The following COG5 variants were observed in gnomAD, a reference collection of about 807,000 sequenced individuals.
COG5 encodes the protein component of oligomeric golgi complex 5.
A neutral mutation model predicts 110.4 loss-of-function variants in COG5; 86 were observed. The observed-to-expected ratio is 0.78, with a 90% CI of 0.65 to 0.93. The LOEUF (loss-of-function observed/expected upper bound fraction) is 0.93. COG5 is among the 40% of genes least tolerant of loss of function. COG5 has a pLI of 0.00. For missense variants in COG5, 1,077 were observed against 987.0 expected, an observed-to-expected ratio of 1.09 and a Z score of -1.22; for synonymous variants, 360 against 334.6, an observed-to-expected ratio of 1.08 and a Z score of -0.83.
intron 6 of COG5, among the ~76,000 whole-genome samples, chr7:107,432,450 C>T (rs961416138): frequency 6.6e-6 from 1 of 152,056 alleles, no homozygotes; most frequent in Non-Finnish European, 1.5e-5. Flanking sequence ...CAGGATAGTA[C>T]CACCTAATCC....
At chr7:107,501,563 G>A (rs944484790) in intron 6 of COG5, among the ~76,000 whole-genome samples, 5 of 152,054 alleles carry the variant, frequency 3.3e-5, no homozygotes, top group Non-Finnish European at 5.9e-5. Context: ...ATGTTACCCT[G>A]AATTTTTTAC....
At chr7:107,208,759 T>C in intron 21 of COG5, 1 of 985,432 alleles carries the variant, frequency 1.0e-6, no homozygotes, top group Non-Finnish European at 1.2e-6. Flanking sequence ...TATCCACACA[T>C]ACGCCCAGAG....
At chr7:107,311,848 G>T (rs1206645541) in intron 11 of COG5, among the ~76,000 whole-genome samples, 1 of 149,352 alleles carries the variant, frequency 6.7e-6, no homozygotes, top group Non-Finnish European at 1.5e-5. Flanking sequence ...TTTTTTCCAT[G>T]CAAAAAATTT....
At chr7:107,222,992 T>C (rs1800058142) in intron 19 of COG5, among the ~76,000 whole-genome samples, 1 of 152,076 alleles carries the variant, frequency 6.6e-6, no homozygotes, top group Non-Finnish European at 1.5e-5. Context: ...AATCATGAAG[T>C]AAAGTAAGGC....
At chr7:107,460,587 GAAGA>G (rs1233259002) in intron 6 of COG5, among the ~76,000 whole-genome samples, 6 of 151,868 alleles carry the variant, frequency 4.0e-5, no homozygotes, top group Non-Finnish European at 7.4e-5. Flanking sequence ...CCAAAGTAGA[GAAGA>G]AAGGAAATAC....
chr7:107,298,490 A>G (rs1434576733), intron 11 of COG5, 144 bp from the exon 12 acceptor site: 3 of 533,134 alleles, frequency 5.6e-6, no homozygotes, highest in Non-Finnish European at 6.5e-6. Context: ...TAATAATGCT[A>G]ATAATAATAA....
At chr7:107,321,433 A>G (rs1171883580) in intron 11 of COG5, among the ~76,000 whole-genome samples, 3 of 152,164 alleles carry the variant, frequency 2.0e-5, no homozygotes, top group Admixed American at 2.0e-4. Flanking sequence ...CCAGGAGTCA[A>G]TTATTGGAGG....
intron 17 of COG5, among the ~76,000 whole-genome samples, chr7:107,239,728 T>G (rs557962430): frequency 1.7e-4 from 26 of 152,338 alleles, no homozygotes; most frequent in Non-Finnish European, 3.4e-4. Context: ...TGATTTCTCC[T>G]TTGATCCACT....
At chr7:107,244,415 G>A (rs1424235800) in intron 17 of COG5, among the ~76,000 whole-genome samples, 2 of 152,054 alleles carry the variant, frequency 1.3e-5, no homozygotes, top group Non-Finnish European at 2.9e-5. Flanking sequence ...ACAACTTAAA[G>A]CATTAGAAAA....
At chr7:107,450,582 A>G (rs890788513) in intron 6 of COG5, among the ~76,000 whole-genome samples, 5 of 152,172 alleles carry the variant, frequency 3.3e-5, no homozygotes, top group Non-Finnish European at 5.9e-5. Flanking sequence ...ACATGTCATA[A>G]AGGTCATTTA....
At chr7:107,490,902 G>C (rs1362650572) in intron 6 of COG5, among the ~76,000 whole-genome samples, 3 of 151,960 alleles carry the variant, frequency 2.0e-5, no homozygotes, top group African/African-American at 7.2e-5. Flanking sequence ...GTATTACTTT[G>C]ATGGAAAAAA....
chr7:107,529,139 CAT>C (rs1283499095), intron 5 of COG5, among the ~76,000 whole-genome samples: 2 of 150,946 alleles, frequency 1.3e-5, no homozygotes, highest in Non-Finnish European at 2.9e-5. Flanking sequence ...AATACAAGCA[CAT>C]GATTCAAAAT....
intron 6 of COG5, among the ~76,000 whole-genome samples, chr7:107,493,026 CT>C (rs1798066380): frequency 6.6e-6 from 1 of 152,186 alleles, no homozygotes; most frequent in African/African-American, 2.4e-5. Flanking sequence ...GAGGTGGGGC[CT>C]TTTGGGAGAT....
chr7:107,446,498 T>C (rs1312441055), intron 6 of COG5, among the ~76,000 whole-genome samples: 1 of 152,202 alleles, frequency 6.6e-6, no homozygotes, highest in African/African-American at 2.4e-5. Flanking sequence ...TGTAATGTAA[T>C]TCATTATTAT....
At chr7:107,259,197 A>G (rs2116630323) in intron 14 of COG5, among the ~76,000 whole-genome samples, 1 of 152,288 alleles carries the variant, frequency 6.6e-6, no homozygotes, top group African/African-American at 2.4e-5. Context: ...CCAATCCTTT[A>G]TAACAATTAT....
chr7:107,313,575 T>C (rs755080209), intron 11 of COG5, among the ~76,000 whole-genome samples: 1 of 152,192 alleles, frequency 6.6e-6, no homozygotes, highest in Non-Finnish European at 1.5e-5. Context: ...ATAGTCATGT[T>C]CTTTCTGGAG....
rs962254943 is a variant in COG5, at chr7:107,428,286, T to A, written c.539-15654A>T. ...AGGATTTGTCTGCCTCCTGCTACTA[T>A]CCTAGTTAAAATAAAGTTAAACTGG... On this transcript the variant is annotated intron_variant, in intron 6 of 21. Coordinates refer to ENST00000297135, the MANE Select transcript of COG5 (RefSeq NM_006348.5). Among the ~76,000 whole-genome samples the A allele has an allele frequency of 3.2e-4, 49 of 152,076 alleles. 1 individual carries two copies. Among genetic ancestry groups the A allele is most frequent in the Admixed American group, 8.5e-4 (13 of 15,266 alleles).
chr7:107,281,519 C>CAACCAG, intron 13 of COG5, 120 bp from the exon 14 acceptor site: 1 of 752,448 alleles, frequency 1.3e-6, no homozygotes, highest in Non-Finnish European at 2.3e-6. Flanking sequence ...GATTTCACTG[C>CAACCAG]TTCCAAGAAC....
chr7:107,214,974 A>G (rs1167966947), intron 19 of COG5, among the ~76,000 whole-genome samples: 2 of 152,162 alleles, frequency 1.3e-5, no homozygotes, highest in Non-Finnish European at 2.9e-5. Flanking sequence ...TTAGGGATAC[A>G]AATTACAAAA....
Sources: allele counts gnomAD v4.1 joint callset (sites outside exome capture counted in the v4.1 genomes callset), GRCh38; gene constraint gnomAD v4.1.1; transcripts MANE v1.5; gene names NCBI Gene and HGNC (gene_info 2026-07-23, HGNC 2026-07-21).